CLEC12B: variants seen among roughly 807,000 people sequenced by gnomAD.
CLEC12B encodes the protein C-type lectin domain family 12 member B.
A neutral mutation model predicts 36.1 loss-of-function variants in CLEC12B; 25 were observed. That is an observed-to-expected ratio of 0.69 (90% CI 0.50 to 0.97). CLEC12B has a LOEUF of 0.97. Among genes scored for constraint, CLEC12B ranks in the 50% least tolerant of loss-of-function variants. The pLI is 0.00. For synonymous variants in CLEC12B, 110 were observed against 108.5 expected (o/e 1.01, Z -0.09); for missense variants, 325 against 318.4 (o/e 1.02, Z -0.16).
upstream of CLEC12B, among the ~76,000 whole-genome samples, chr12:10,008,230 T>A (rs577149871): frequency 6.6e-6 from 1 of 152,344 alleles, no homozygotes; most frequent in South Asian, 2.1e-4. Flanking sequence ...AGGAAATAAA[T>A]TTTAAATTTA....
At chr12:10,017,791 C>G in intron 5 of CLEC12B, 1 of 892,832 alleles carries the variant, frequency 1.1e-6, no homozygotes, top group Non-Finnish European at 1.3e-6. Context: ...ACATCAATTT[C>G]TTAGCAGAGG....
At chr12:10,014,825 T>C in intron 3 of CLEC12B, 84 bp downstream of exon 3, 1 of 871,734 alleles carries the variant, frequency 1.1e-6, no homozygotes, top group Non-Finnish European at 1.9e-6. Flanking sequence ...CTAAGAGTAT[T>C]GAGAGAGTTA....
At chr12:10,006,474 T>TTTTA (rs1333033388), upstream of CLEC12B, among the ~76,000 whole-genome samples, 1 of 151,708 alleles carries the variant, frequency 6.6e-6, no homozygotes, top group African/African-American at 2.4e-5. Context: ...GTTTTTTTTT[T>TTTTA]AAGAAGACCA....
rs138160178 is a variant in CLEC12B, at chr12:10,018,296, A to G, written c.681-35A>G. 220 of 1,276,822 alleles carry G rather than the reference A, an allele frequency of 1.7e-4. 1 individual carries two copies. The highest frequency in any genetic ancestry group is 2.2e-4 in the Non-Finnish European group (206 of 927,164). 79.1% of individuals were successfully genotyped at this position (1,276,822 alleles called of 1,614,324 possible). A position where few individuals can be genotyped will look rare whatever the true frequency, so the allele number is the denominator to read the frequency against. On this transcript the variant is annotated intron_variant, in intron 5 of 5. Transcript: ENST00000338896. Reference sequence around the variant, plus strand: ...ACTAAATAGTGATCACGTTTCAAATACAGAATTTATAATTAATTTTAAATT... The same window carrying G: ...ACTAAATAGTGATCACGTTTCAAATGCAGAATTTATAATTAATTTTAAATT...
chr12:10,009,471 T>A (rs1865273106), upstream of CLEC12B, among the ~76,000 whole-genome samples: 1 of 152,162 alleles, frequency 6.6e-6, no homozygotes, highest in African/African-American at 2.4e-5. Context: ...AAGCATAGAT[T>A]TATTATTTGT....
chr12:10,015,903 T>C (rs1865474249), intron 5 of CLEC12B, 176 bp downstream of exon 5: 35 of 1,408,742 alleles, frequency 2.5e-5, no homozygotes, highest in Non-Finnish European at 3.0e-5. Flanking sequence ...CTGTGACAAA[T>C]TTATAGCAAG....
In CLEC12B at chr12:10,018,378, C is replaced by T. The variant is rs868398251; in HGVS notation, c.728C>T (p.Ala243Val). Residue 243 changes from alanine to valine, a missense_variant, in exon 6 of 6, where the codon GCT (alanine) becomes GTT (valine). Physicochemically the swap from Ala to Val is moderately conservative, Grantham distance 64 (BLOSUM62 0). Transcript: ENST00000338896. Reference sequence around the variant, plus strand: ...CAGATCAATGGATCCAAAGGATGTGCTTATTTTCAAAAAGGAAATATTTAT... The same window carrying T: ...CAGATCAATGGATCCAAAGGATGTGTTTATTTTCAAAAAGGAAATATTTAT... ...LDQINGSKGC[A>V]YFQKGNIYIS... 2.5e-5 allele frequency: 38 copies of T among 1,538,492 alleles called. No homozygotes were observed. The African/African-American group carries it at 4.5e-4, about 18-fold the overall frequency.
chr12:10,016,850 C>A, intron 5 of CLEC12B: 1 of 302,250 alleles, frequency 3.3e-6, no homozygotes, highest in Non-Finnish European at 4.9e-6. Flanking sequence ...CCCTAATAAT[C>A]TATGAAACAC....
At chr12:10,012,969 C>A (rs1198384363) in intron 2 of CLEC12B, 86 bp downstream of exon 2, 3 of 934,330 alleles carry the variant, frequency 3.2e-6, no homozygotes, top group Non-Finnish European at 3.5e-6. Flanking sequence ...GTAGATGGGT[C>A]CTAGCATCCT....
chr12:10,017,961 T>A lies in CLEC12B; in HGVS notation c.681-370T>A, dbSNP rs1591873138. 5 of 955,500 alleles carry A rather than the reference T, an allele frequency of 5.2e-6. No individual in the cohort carries two copies. The East Asian group carries it at 5.7e-4, about 109-fold the overall frequency. 59.2% of individuals were successfully genotyped at this position (955,500 alleles called of 1,614,324 possible). A position where few individuals can be genotyped will look rare whatever the true frequency, so the allele number is the denominator to read the frequency against. ...AACTTTTTACAACAGAATGTGATTT[T>A]ATTTTTATGTTTTTCTTCATAAGGT... On this transcript the variant is annotated intron_variant, in intron 5 of 5. Transcript: ENST00000338896.
At chr12:10,006,707 T>C (rs2137257244), upstream of CLEC12B, among the ~76,000 whole-genome samples, 1 of 152,248 alleles carries the variant, frequency 6.6e-6, no homozygotes, top group Admixed American at 6.5e-5. Flanking sequence ...GAACTAGCCA[T>C]TGGATGTGTT....
chr12:10,010,393 C>T (rs1865298022), upstream of CLEC12B, among the ~76,000 whole-genome samples: 1 of 152,188 alleles, frequency 6.6e-6, no homozygotes, highest in African/African-American at 2.4e-5. Context: ...AGAAGACAAC[C>T]TGACTCTTTT....
upstream of CLEC12B, among the ~76,000 whole-genome samples, chr12:10,006,882 C>T (rs1482052073): frequency 1.3e-5 from 2 of 151,796 alleles, no homozygotes; most frequent in East Asian, 1.9e-4. Context: ...GGTGAAACCC[C>T]GTCTCTACTA....
At chr12:10,008,343 T>G (rs545920601), upstream of CLEC12B, among the ~76,000 whole-genome samples, 1 of 152,194 alleles carries the variant, frequency 6.6e-6, no homozygotes, top group Non-Finnish European at 1.5e-5. Flanking sequence ...GGGTGACTGA[T>G]TTTTGTGTGT....
At chr12:10,017,792 T>C (rs1865523616) in intron 5 of CLEC12B, 1 of 893,400 alleles carries the variant, frequency 1.1e-6, no homozygotes, top group Non-Finnish European at 1.3e-6. Flanking sequence ...CATCAATTTC[T>C]TAGCAGAGGA....
chr12:10,010,200 T>TCACACACACACACA (rs3053772), upstream of CLEC12B, among the ~76,000 whole-genome samples: 105 of 145,898 alleles, frequency 7.2e-4, no homozygotes, highest in African/African-American at 2.2e-3. Flanking sequence ...TGTCTCTCTC[T>TCACACACACACACA]CACACACACA....
At chr12:10,011,373 T>C (rs1376006863) in intron 1 of CLEC12B, among the ~76,000 whole-genome samples, 1 of 152,192 alleles carries the variant, frequency 6.6e-6, no homozygotes. Context: ...TAATTTGTAA[T>C]GTTGAACCAG....
At chr12:10,006,873 G>A (rs796819308), upstream of CLEC12B, among the ~76,000 whole-genome samples, 12 of 152,096 alleles carry the variant, frequency 7.9e-5, no homozygotes, top group African/African-American at 2.7e-4. Flanking sequence ...GGCTAACACG[G>A]TGAAACCCCG....
upstream of CLEC12B, among the ~76,000 whole-genome samples, chr12:10,009,706 G>C (rs1865278950): frequency 6.6e-6 from 1 of 152,092 alleles, no homozygotes. Context: ...ACCTCACGCT[G>C]GACACCTTTG....
Sources: allele counts gnomAD v4.1 joint callset (sites outside exome capture counted in the v4.1 genomes callset), GRCh38; gene constraint gnomAD v4.1.1; transcripts MANE v1.5; gene names NCBI Gene and HGNC (gene_info 2026-07-23, HGNC 2026-07-21).